CNBD1: variants seen among roughly 807,000 people sequenced by gnomAD.
The protein encoded by CNBD1 is cyclic nucleotide binding domain containing 1.
A neutral mutation model predicts 54.4 loss-of-function variants in CNBD1; 71 were observed. The ratio of observed to expected loss-of-function variants is 1.30; its 90% CI spans 1.08 to 1.59. CNBD1 has a LOEUF of 1.59. Ranked by LOEUF, CNBD1 falls within the 40% of genes most tolerant of loss-of-function variation. CNBD1 has a pLI of 0.00. For synonymous variants in CNBD1, 182 were observed against 170.7 expected (o/e 1.07, Z -0.51); for missense variants, 659 against 518.0 (o/e 1.27, Z -2.64).
At chr8:87,146,871 A>G (rs775135429) in intron 4 of CNBD1, among the ~76,000 whole-genome samples, 27 of 152,262 alleles carry the variant, frequency 1.8e-4, no homozygotes, top group Non-Finnish European at 2.8e-4. Context: ...TTTTTTAACC[A>G]AGGTATGTGT....
intron 6 of CNBD1, among the ~76,000 whole-genome samples, chr8:87,272,013 A>G (rs1303961053): frequency 6.6e-6 from 1 of 152,006 alleles, no homozygotes; most frequent in African/African-American, 2.4e-5. Context: ...ACAGAAAGAC[A>G]GGTATCACAT....
At chr8:87,224,457 A>G (rs1196813414) in intron 5 of CNBD1, among the ~76,000 whole-genome samples, 1 of 151,462 alleles carries the variant, frequency 6.6e-6, no homozygotes, top group South Asian at 2.1e-4. Flanking sequence ...AGCTTTCTAC[A>G]TATGGCTAGC....
chr8:87,418,216 A>G (rs183582682), intron 2 of CNBD1, among the ~76,000 whole-genome samples: 4 of 152,128 alleles, frequency 2.6e-5, no homozygotes, highest in African/African-American at 9.6e-5. Flanking sequence ...GAATAATATA[A>G]GAGTCCAGAA....
chr8:87,088,629 A>T (rs1209379632), intron 4 of CNBD1, among the ~76,000 whole-genome samples: 1 of 152,128 alleles, frequency 6.6e-6, no homozygotes, highest in Non-Finnish European at 1.5e-5. Flanking sequence ...GATAAAGATT[A>T]TTAGGAAGAA....
intron 8 of CNBD1, among the ~76,000 whole-genome samples, chr8:87,296,388 T>C (rs1808876428): frequency 6.6e-6 from 1 of 151,974 alleles, no homozygotes; most frequent in Non-Finnish European, 1.5e-5. Context: ...GTTAGGTATG[T>C]AGGGGAGGGA....
In CNBD1 at chr8:87,262,686, T is replaced by C. The variant is rs184100165; in HGVS notation, c.772-21992T>C. ...AATTCCTAGTCTAAGGCAGGAATTA[T>C]AAACTTTTAGCTTGGTTCTGCTACT... On this transcript the variant is annotated intron_variant, in intron 6 of 10. Coordinates refer to ENST00000518476, the MANE Select transcript of CNBD1 (RefSeq NM_173538.3). Among the ~76,000 whole-genome samples, 14 of 152,338 alleles carry C rather than the reference T, an allele frequency of 9.2e-5. No homozygotes were observed. In the East Asian group the frequency reaches 2.3e-3, roughly 25 times the overall value.
At chr8:87,330,243 T>TTTC (rs1809795539) in intron 8 of CNBD1, among the ~76,000 whole-genome samples, 1 of 151,510 alleles carries the variant, frequency 6.6e-6, no homozygotes, top group Non-Finnish European at 1.5e-5. Context: ...TTTTTTTTTT[T>TTTC]TCAGTTAGCC....
At chr8:87,337,298 G>A (rs1287697108) in intron 8 of CNBD1, among the ~76,000 whole-genome samples, 2 of 152,142 alleles carry the variant, frequency 1.3e-5, no homozygotes, top group Non-Finnish European at 2.9e-5. Flanking sequence ...AGAGCTAGGA[G>A]GAGGAAAGAT....
At chr8:87,409,039 G>T (rs1016079762) in intron 2 of CNBD1, among the ~76,000 whole-genome samples, 26 of 152,076 alleles carry the variant, frequency 1.7e-4, no homozygotes, top group Admixed American at 1.3e-3. Context: ...TGAAAGGAAG[G>T]GTTGCATTTC....
intron 6 of CNBD1, among the ~76,000 whole-genome samples, chr8:87,263,677 AC>A (rs1457179357): frequency 6.6e-6 from 1 of 152,180 alleles, no homozygotes; most frequent in Non-Finnish European, 1.5e-5. Flanking sequence ...ATGAAATTTT[AC>A]CAAGGCAAAC....
At chr8:86,945,859 G>A (rs7004972) in intron 4 of CNBD1, among the ~76,000 whole-genome samples, 2,818 of 152,284 alleles carry the variant, frequency 0.019, 81 homozygotes, top group African/African-American at 0.062. Context: ...AGCGTGTCAC[G>A]CTGAATCTTC....
intron 4 of CNBD1, among the ~76,000 whole-genome samples, chr8:86,949,954 T>TTTTG (rs56138120): frequency 0.1 from 3,975 of 38,524 alleles, 1,439 homozygotes; most frequent in Admixed American, 0.14. Context: ...ATGCTTTTTT[T>TTTTG]TTTTTTTTTT....
chr8:86,949,791 C>A, intron 4 of CNBD1, among the ~76,000 whole-genome samples: 1 of 151,752 alleles, frequency 6.6e-6, no homozygotes, highest in Non-Finnish European at 1.5e-5. Flanking sequence ...TTGTCATGTT[C>A]CAGATCTTAG....
At chr8:87,422,302 T>G (rs1344260721) in intron 2 of CNBD1, among the ~76,000 whole-genome samples, 43 of 146,330 alleles carry the variant, frequency 2.9e-4, no homozygotes, top group South Asian at 6.5e-4. Context: ...GTCAATTTTG[T>G]CTTTTGTTGC....
intron 4 of CNBD1, among the ~76,000 whole-genome samples, chr8:87,088,186 A>G (rs1241473302): frequency 6.6e-6 from 1 of 152,080 alleles, no homozygotes; most frequent in East Asian, 1.9e-4. Context: ...ACATTTTTCA[A>G]ATGTTTTACC....
intron 4 of CNBD1, among the ~76,000 whole-genome samples, chr8:86,961,818 G>C (rs1310795832): frequency 2.0e-5 from 3 of 152,206 alleles, no homozygotes. Context: ...GTTGATCTAA[G>C]CACTTGATTT....
chr8:86,958,584 G>A (rs888779015), intron 4 of CNBD1, among the ~76,000 whole-genome samples: 2 of 152,088 alleles, frequency 1.3e-5, no homozygotes, highest in South Asian at 2.1e-4. Flanking sequence ...ATTAGGTAAC[G>A]GCCTTCTTTG....
At chr8:87,175,766 G>T (rs114390138) in intron 4 of CNBD1, among the ~76,000 whole-genome samples, 1 of 152,148 alleles carries the variant, frequency 6.6e-6, no homozygotes, top group Non-Finnish European at 1.5e-5. Context: ...CCCCAAGCTC[G>T]CTGGCTCCAA....
At chr8:87,193,436 G>A (rs375150056) in intron 4 of CNBD1, among the ~76,000 whole-genome samples, 12 of 152,096 alleles carry the variant, frequency 7.9e-5, no homozygotes, top group East Asian at 1.9e-4. Flanking sequence ...ATCTTAGTCC[G>A]TCTTTAATTT....
Sources: gnomAD v4.1 joint callset for allele counts (sites outside exome capture counted in the v4.1 genomes callset) on GRCh38, gnomAD v4.1.1 for gene constraint, MANE v1.5 for transcripts, NCBI Gene and HGNC (gene_info 2026-07-23, HGNC 2026-07-21) for gene names.